Variants in RYR2 observed in about 807,000 individuals in gnomAD.
The protein encoded by RYR2 is cardiac muscle ryanodine receptor-calcium release channel.
Under a neutral mutation model 601.1 loss-of-function variants are expected in RYR2, and 227 were observed. The ratio of observed to expected loss-of-function variants is 0.38; its 90% CI spans 0.34 to 0.42. RYR2 has a LOEUF of 0.42. RYR2 is among the 10% of genes least tolerant of loss of function. The pLI is 1.00. For synonymous variants in RYR2, 2,223 were observed against 2,175.1 expected, an observed-to-expected ratio of 1.02 and a Z score of -0.61; for missense variants, 4,646 against 6,156.5, an observed-to-expected ratio of 0.75 and a Z score of 8.21.
intron 1 of RYR2, among the ~76,000 whole-genome samples, chr1:237,125,428 A>AG (rs1671302758): frequency 6.6e-6 from 1 of 152,072 alleles, no homozygotes; most frequent in African/African-American, 2.4e-5. Flanking sequence ...TTTGCTAAAA[A>AG]AAAAAAAAAA....
At chr1:237,295,887 GAC>G (rs199500354) in intron 2 of RYR2, among the ~76,000 whole-genome samples, 308 of 140,980 alleles carry the variant, frequency 2.2e-3, no homozygotes, top group Non-Finnish European at 3.9e-3. Flanking sequence ...CAGAGATCGA[GAC>G]AGAGTGCACC....
rs1481192462 is a variant in RYR2 at position 237,059,372 on chromosome 1, A to C, written c.48+16803A>C. Among the ~76,000 whole-genome samples the C allele has an allele frequency of 3.3e-5, 5 of 152,186 alleles. No homozygotes were observed. The East Asian group carries it at 7.7e-4, about 23-fold the overall frequency. ...AGGAGAAGGACTTGCAAATCTTTGC[A>C]TAAGAGAGGAGATGAGTAATGACAC... On this transcript the variant is annotated intron_variant, in intron 1 of 104. Transcript: ENST00000366574.
At chr1:237,341,171 A>G (rs555850743) in intron 3 of RYR2, among the ~76,000 whole-genome samples, 4 of 152,314 alleles carry the variant, frequency 2.6e-5, no homozygotes, top group African/African-American at 7.2e-5. Context: ...GTCTCATTCA[A>G]TTTGGACATC....
At chr1:237,602,401 A>T (rs1004063537) in intron 35 of RYR2, among the ~76,000 whole-genome samples, 2 of 152,232 alleles carry the variant, frequency 1.3e-5, no homozygotes, top group African/African-American at 4.8e-5. Context: ...TAGGTGAGCT[A>T]ATGAATGGAC....
chr1:237,203,885 T>G (rs1681479479), intron 1 of RYR2, among the ~76,000 whole-genome samples: 1 of 152,234 alleles, frequency 6.6e-6, no homozygotes, highest in Admixed American at 6.5e-5. Flanking sequence ...ACTGTTCAGA[T>G]TCCTCTCACC....
intron 44 of RYR2, among the ~76,000 whole-genome samples, chr1:237,635,653 C>A (rs1680800056): frequency 2.6e-5 from 4 of 152,102 alleles, no homozygotes; most frequent in African/African-American, 9.7e-5. Context: ...GCCAAAGTGA[C>A]CCTCTTAAAA....
chr1:237,224,260 G>C (rs1684123260), intron 1 of RYR2, among the ~76,000 whole-genome samples: 1 of 152,064 alleles, frequency 6.6e-6, no homozygotes, highest in African/African-American at 2.4e-5. Context: ...AATAAGGATG[G>C]TATATCATGA....
chr1:237,047,065 G>A (rs759331969), intron 1 of RYR2, among the ~76,000 whole-genome samples: 21 of 152,100 alleles, frequency 1.4e-4, no homozygotes, highest in Non-Finnish European at 2.2e-4. Flanking sequence ...TGCAGATAAG[G>A]AAACAAAAGC....
At chr1:237,136,082 A>C (rs1672744300) in intron 1 of RYR2, among the ~76,000 whole-genome samples, 1 of 152,218 alleles carries the variant, frequency 6.6e-6, no homozygotes, top group African/African-American at 2.4e-5. Flanking sequence ...GATGCATATA[A>C]TTACCAACAT....
In RYR2 at chr1:237,623,739, CT is replaced by C. The variant is rs748328508; in HGVS notation, c.5917-25del. ...ACCTTTCTTTTCTTCCTCCTTCTTC[CT>C]CTTTCTTGTTTTTCAAACTTTCAGA... On this transcript the variant is annotated intron_variant, in intron 38 of 104. Coordinates refer to ENST00000366574, the MANE Select transcript of RYR2 (RefSeq NM_001035.3). 5.5e-6 allele frequency: 8 copies of C among 1,450,968 alleles called. No individual in the cohort carries two copies. In the South Asian group the frequency reaches 9.2e-5, roughly 17 times the overall value. The allele number at this position is 1,450,968 out of a possible 1,614,324, so 89.9% of individuals were successfully genotyped here. A position where few individuals can be genotyped will look rare whatever the true frequency, so the allele number is the denominator to read the frequency against.
chr1:237,659,974 CT>C lies in RYR2; in HGVS notation c.8209-4del, dbSNP rs876657992. ...GTGTAAAACAATTTTTAATGTTTGC[CT>C]TTTTTTAAGTTGGCAAATGGATGGA... On this transcript the variant is annotated splice_polypyrimidine_tract_variant and intron_variant, in intron 54 of 104. Transcript: ENST00000366574. The C allele has an allele frequency of 1.3e-5, 20 of 1,562,384 alleles. No homozygotes were observed. The Admixed American group carries it at 1.4e-4, about 11-fold the overall frequency.
Position 237,456,718 on chromosome 1 carries a change from C to T in RYR2, c.1595C>T (p.Ser532Phe), listed in dbSNP as rs751116149. 3 of 1,613,456 alleles carry T rather than the reference C, an allele frequency of 1.9e-6. No homozygotes were observed. Reference sequence around the variant, plus strand: ...GAGTCTTGGAAATCCATTCTGAATTCTCTGTATGAGTTGCTGGGTAAGAAG... The same window carrying T: ...GAGTCTTGGAAATCCATTCTGAATTTTCTGTATGAGTTGCTGGGTAAGAAG... ...AGESWKSILN[S>F]LYELLAALIR... The change falls in exon 16 of 105, where the codon TCT (serine) becomes TTT (phenylalanine). Residue 532 changes from serine (S) to phenylalanine (F), a missense_variant. Around this residue, in one of 17 missense-constraint regions of RYR2, gnomAD observed 1,807 missense variants for 2,088.1 expected, o/e 0.87. Transcript: ENST00000366574.
rs373752309 is a variant in RYR2, at chr1:237,764,010, G to T, written c.11476+2982G>T. On this transcript the variant is annotated intron_variant, in intron 84 of 104. Transcript: ENST00000366574. Reference sequence around the variant, plus strand: ...CAACACTTGAGGCTCAGAGAGCATGGGCTTAGCACTGAGAAAATAATCTGT... The same window carrying T: ...CAACACTTGAGGCTCAGAGAGCATGTGCTTAGCACTGAGAAAATAATCTGT... 3.3e-5 allele frequency among the ~76,000 whole-genome samples: 5 copies of T among 152,252 alleles called. 1 individual carries two copies. The highest frequency in any genetic ancestry group is 9.6e-5 in the African/African-American group (4 of 41,528).
chr1:237,202,348 A>T (rs10925341), intron 1 of RYR2, among the ~76,000 whole-genome samples: 1 of 151,906 alleles, frequency 6.6e-6, no homozygotes, highest in Non-Finnish European at 1.5e-5. Context: ...ATGGTCACTT[A>T]GCAAAATCTC....
Position 237,590,752 on chromosome 1 carries a change from C to A in RYR2, c.3920C>A (p.Pro1307Gln). Reference protein sequence around the residue: ...TDIMFYRLSMPIECAEVFSKT... With the variant: ...TDIMFYRLSMQIECAEVFSKT... ...ATCATGTTTTATCGCCTGAGCATGC[C>A]GATCGAGTGCGCGGAGGTCTTCTCC... The change falls in exon 31 of 105, where the codon CCG (proline) becomes CAG (glutamine). Residue 1307 changes from proline (P) to glutamine (Q), a missense_variant. Pro to Gln is a moderately conservative substitution (Grantham distance 76). Around this residue, in one of 17 missense-constraint regions of RYR2, gnomAD observed 1,807 missense variants for 2,088.1 expected, o/e 0.87. Coordinates refer to ENST00000366574, the MANE Select transcript of RYR2 (RefSeq NM_001035.3). The A allele has an allele frequency of 6.2e-7, 1 of 1,613,710 alleles. No individual in the cohort carries two copies. The highest frequency in any genetic ancestry group is 1.7e-5 in the Admixed American group (1 of 60,008).
At chr1:237,234,509 C>T (rs1352519716) in intron 1 of RYR2, among the ~76,000 whole-genome samples, 2 of 152,182 alleles carry the variant, frequency 1.3e-5, no homozygotes, top group East Asian at 3.9e-4. Flanking sequence ...GTTGGCGTGT[C>T]ATTGAATCTC....
intron 5 of RYR2, 27 bp downstream of exon 5, chr1:237,364,399 GTA>G: frequency 7.7e-7 from 1 of 1,291,892 alleles, no homozygotes; most frequent in Non-Finnish European, 1.1e-6. Flanking sequence ...TATATGCTAT[GTA>G]TATATATAGC....
intron 1 of RYR2, among the ~76,000 whole-genome samples, chr1:237,183,083 C>A (rs1434686550): frequency 6.6e-6 from 1 of 152,074 alleles, no homozygotes. Flanking sequence ...TGACTCAGGC[C>A]CTTCTATATT....
intron 17 of RYR2, among the ~76,000 whole-genome samples, chr1:237,485,176 T>G (rs1662547548): frequency 6.6e-6 from 1 of 152,246 alleles, no homozygotes. Context: ...AATAACGGTT[T>G]TAAATGAAAT....
Sources: allele counts gnomAD v4.1 joint callset (sites outside exome capture counted in the v4.1 genomes callset), GRCh38; gene constraint gnomAD v4.1.1; regional missense constraint gnomAD v4.1.1; transcripts MANE v1.5; gene names NCBI Gene and HGNC (gene_info 2026-07-23, HGNC 2026-07-21).